Variants in SLC2A12 observed in about 807,000 individuals in gnomAD.
The protein encoded by SLC2A12 is solute carrier family 2 member 12.
SLC2A12 carries 23 observed loss-of-function variants against 41.8 expected under a neutral mutation model. The ratio of observed to expected loss-of-function variants is 0.55; its 90% CI spans 0.40 to 0.78. The LOEUF is 0.78. Among genes scored for constraint, SLC2A12 ranks in the 30% least tolerant of loss-of-function variants. SLC2A12 has a pLI of 0.00. For missense variants in SLC2A12, 654 were observed against 745.6 expected, an observed-to-expected ratio of 0.88 and a Z score of 1.43; for synonymous variants, 295 against 285.9, an observed-to-expected ratio of 1.03 and a Z score of -0.32.
intron 1 of SLC2A12, among the ~76,000 whole-genome samples, chr6:134,051,040 G>A (rs1447968309): frequency 6.6e-6 from 1 of 152,126 alleles, no homozygotes; most frequent in Non-Finnish European, 1.5e-5. Context: ...TCAGCCTCCT[G>A]AGTAGCTGAG....
chr6:134,007,718 T>TA (rs1482266425), intron 2 of SLC2A12, among the ~76,000 whole-genome samples: 1 of 152,186 alleles, frequency 6.6e-6, no homozygotes, highest in Non-Finnish European at 1.5e-5. Context: ...GTTTGCCTAA[T>TA]AAAAAACAGC....
At chr6:134,020,455 A>G (rs1689253861) in intron 2 of SLC2A12, among the ~76,000 whole-genome samples, 1 of 152,236 alleles carries the variant, frequency 6.6e-6, no homozygotes, top group South Asian at 2.1e-4. Context: ...CCTAATAAAA[A>G]TCTTCTTTAA....
At chr6:134,037,815 C>T (rs1190197738) in intron 1 of SLC2A12, among the ~76,000 whole-genome samples, 1 of 152,100 alleles carries the variant, frequency 6.6e-6, no homozygotes, top group Non-Finnish European at 1.5e-5. Flanking sequence ...TACAGGATGC[C>T]CCAGGAAGGA....
intron 2 of SLC2A12, among the ~76,000 whole-genome samples, chr6:134,010,755 G>A (rs192007237): frequency 6.6e-6 from 1 of 152,276 alleles, no homozygotes; most frequent in Admixed American, 6.5e-5. Context: ...TACACAGAGT[G>A]TCATAAAAAG....
intron 4 of SLC2A12, among the ~76,000 whole-genome samples, chr6:133,995,323 C>A (rs1448339893): frequency 1.3e-5 from 2 of 151,628 alleles, no homozygotes; most frequent in African/African-American, 2.4e-5. Flanking sequence ...GGAGAATGTG[C>A]CGGAGAAGGG....
intron 2 of SLC2A12, among the ~76,000 whole-genome samples, chr6:134,018,335 T>C (rs927836294): frequency 6.6e-6 from 1 of 152,184 alleles, no homozygotes; most frequent in Non-Finnish European, 1.5e-5. Flanking sequence ...GTGGATACAA[T>C]TGCCCTGTTT....
Position 134,007,201 on chromosome 6 carries a change from G to C in SLC2A12, c.1445-267C>G, listed in dbSNP as rs557738557. Among the ~76,000 whole-genome samples the C allele has an allele frequency of 5.3e-5, 8 of 152,370 alleles. No individual in the cohort carries two copies. The South Asian group carries it at 1.7e-3, about 32-fold the overall frequency. On this transcript the variant is annotated intron_variant, in intron 2 of 4. Transcript: ENST00000275230. The stretch of plus-strand genomic sequence containing the variant: ...TGAGGGGCATGAGGTGCTGGTATCT[G>C]TCACAGGCCCAAGAAATGCAAACCG...
chr6:134,052,250 T>G, intron 1 of SLC2A12, 128 bp downstream of exon 1: 1 of 370,000 alleles, frequency 2.7e-6, no homozygotes, highest in Non-Finnish European at 4.8e-6. Context: ...CGCGCGCGCA[T>G]ACACACACAC....
chr6:134,033,455 C>T (rs1431883279), intron 1 of SLC2A12, among the ~76,000 whole-genome samples: 2 of 152,000 alleles, frequency 1.3e-5, no homozygotes, highest in Non-Finnish European at 1.5e-5. Context: ...TTGTATTATT[C>T]TTATCTCTGC....
chr6:134,000,981 G>A (rs1776747196), intron 4 of SLC2A12, among the ~76,000 whole-genome samples: 2 of 152,114 alleles, frequency 1.3e-5, no homozygotes, highest in South Asian at 4.2e-4. Flanking sequence ...GAGATGGAAA[G>A]GCTGAGACCC....
intron 1 of SLC2A12, among the ~76,000 whole-genome samples, chr6:134,040,500 T>C (rs555612766): frequency 6.6e-6 from 1 of 152,320 alleles, no homozygotes; most frequent in South Asian, 2.1e-4. Flanking sequence ...AAAGACCAAG[T>C]TGGGTTTGGT....
chr6:133,997,659 A>T (rs190814933), intron 4 of SLC2A12, among the ~76,000 whole-genome samples: 1 of 152,144 alleles, frequency 6.6e-6, no homozygotes, highest in South Asian at 2.1e-4. Flanking sequence ...GAGGAGAGAG[A>T]TGGAGGTGGG....
chr6:134,031,767 T>C (rs1294086466), intron 1 of SLC2A12, among the ~76,000 whole-genome samples: 2 of 152,156 alleles, frequency 1.3e-5, no homozygotes, highest in Non-Finnish European at 2.9e-5. Flanking sequence ...AAGTAGGGGA[T>C]TGGGTATACA....
chr6:134,037,589 G>A (rs1344064412), intron 1 of SLC2A12, among the ~76,000 whole-genome samples: 1 of 152,048 alleles, frequency 6.6e-6, no homozygotes, highest in Admixed American at 6.5e-5. Flanking sequence ...TCGTGACCCC[G>A]TGATCTGCCT....
At chr6:134,052,051 C>T (rs1257421163) in intron 1 of SLC2A12, among the ~76,000 whole-genome samples, 1 of 152,146 alleles carries the variant, frequency 6.6e-6, no homozygotes. Context: ...TGAAAAACAT[C>T]CATACATTGT....
intron 3 of SLC2A12, among the ~76,000 whole-genome samples, chr6:134,005,500 A>C (rs1401636214): frequency 6.6e-6 from 1 of 151,608 alleles, no homozygotes; most frequent in African/African-American, 2.4e-5. Flanking sequence ...TCTACTAAAA[A>C]TACAAAAAAA....
chr6:134,023,636 G>C (rs961671369), intron 2 of SLC2A12, among the ~76,000 whole-genome samples: 1 of 152,198 alleles, frequency 6.6e-6, no homozygotes, highest in Non-Finnish European at 1.5e-5. Flanking sequence ...CCTTTATAAT[G>C]CATTAGCAAA....
chr6:134,046,900 T>C (rs1582629799), intron 1 of SLC2A12, among the ~76,000 whole-genome samples: 1 of 152,152 alleles, frequency 6.6e-6, no homozygotes, highest in African/African-American at 2.4e-5. Context: ...ATGATACCAG[T>C]GTGCAAAGGC....
chr6:134,026,026 T>G (rs1393976338), intron 2 of SLC2A12, among the ~76,000 whole-genome samples: 5 of 152,170 alleles, frequency 3.3e-5, no homozygotes, highest in Admixed American at 3.3e-4. Context: ...CATGAGTAGG[T>G]TGGTTCAGGA....
Sources: gnomAD v4.1 joint callset for allele counts (sites outside exome capture counted in the v4.1 genomes callset) on GRCh38, gnomAD v4.1.1 for gene constraint, MANE v1.5 for transcripts, NCBI Gene and HGNC (gene_info 2026-07-23, HGNC 2026-07-21) for gene names.